The following BCL7B variants were observed in gnomAD, a reference collection of about 807,000 sequenced individuals.
BCL7B encodes the protein BAF chromatin remodeling complex subunit BCL7B, also known as B-cell CLL/lymphoma 7 protein family member B.
A neutral mutation model predicts 26.5 loss-of-function variants in BCL7B; 11 were observed. That is an observed-to-expected ratio of 0.42 (90% CI 0.26 to 0.69). BCL7B has a LOEUF of 0.69. BCL7B is among the 30% of genes least tolerant of loss of function. The pLI is 0.28. For synonymous variants in BCL7B, 111 were observed against 107.9 expected (o/e 1.03, Z -0.18); for missense variants, 215 against 264.4 (o/e 0.81, Z 1.30).
chr7:73,552,339 A>C, intron 1 of BCL7B, 97 bp from the exon 2 acceptor site: 1 of 986,092 alleles, frequency 1.0e-6, no homozygotes, highest in Non-Finnish European at 1.6e-6. Context: ...CATTCCTTCA[A>C]TCTGGAATCC....
At chr7:73,554,968 T>C (rs540367347) in intron 1 of BCL7B, among the ~76,000 whole-genome samples, 1 of 152,282 alleles carries the variant, frequency 6.6e-6, no homozygotes, top group African/African-American at 2.4e-5. Context: ...TAGGCCCTGG[T>C]GATGCAGGGA....
chr7:73,552,063 A>C (rs1792193540), intron 2 of BCL7B, 104 bp downstream of exon 2: 1 of 927,094 alleles, frequency 1.1e-6, no homozygotes, highest in Admixed American at 2.2e-5. Context: ...ACTGCACTCC[A>C]GCCTGGGTGA....
chr7:73,557,473 C>A lies in BCL7B; in HGVS notation c.92+14G>T. ...CCGCGACCCCCGCCAGCCCCCTAAG[C>A]TCCGGCCCCTCACCATTTCCGCACT... On this transcript the variant is annotated intron_variant, in intron 1 of 5. Transcript: ENST00000223368. 7.1e-7 allele frequency: 1 copy of A among 1,399,418 alleles called. No homozygotes were observed. Among genetic ancestry groups the A allele is most frequent in the Non-Finnish European group, 9.4e-7 (1 of 1,063,952 alleles). The allele number at this position is 1,399,418 out of a possible 1,614,324, so 86.7% of individuals were successfully genotyped here.
intron 5 of BCL7B, among the ~76,000 whole-genome samples, 183 bp from the exon 6 acceptor site, chr7:73,537,573 T>C (rs1791589055): frequency 6.6e-6 from 1 of 152,108 alleles, no homozygotes; most frequent in Non-Finnish European, 1.5e-5. Flanking sequence ...CCACAGTCTT[T>C]CCTGGTTTTT....
At chr7:73,545,443 G>C (rs1161219391) in intron 2 of BCL7B, among the ~76,000 whole-genome samples, 2 of 152,036 alleles carry the variant, frequency 1.3e-5, no homozygotes, top group Non-Finnish European at 2.9e-5. Context: ...TCGATCTCCT[G>C]GCTCCAGGAT....
Position 73,552,244 on chromosome 7 carries a change from T to C in BCL7B, c.93-2A>G, listed in dbSNP as rs1554584247. On this transcript the variant is annotated splice_acceptor_variant, in intron 1 of 5. Transcript: ENST00000223368. LOFTEE classifies it high-confidence loss of function. Reference sequence around the variant, plus strand: ...CCCACAGTCACCCACTTCTTCTCCCTAAAAGAAAGACACTTCTTAGAACGG... The same window carrying C: ...CCCACAGTCACCCACTTCTTCTCCCCAAAAGAAAGACACTTCTTAGAACGG... 3.1e-6 allele frequency: 5 copies of C among 1,607,242 alleles called. No individual in the cohort carries two copies.
chr7:73,542,939 CA>C (rs1563425220), intron 3 of BCL7B: 3 of 406,980 alleles, frequency 7.4e-6, no homozygotes, highest in Non-Finnish European at 9.8e-6. Context: ...AAATGAAGTA[CA>C]ATCTAAAAAA....
At chr7:73,546,668 A>C (rs1278017176) in intron 2 of BCL7B, among the ~76,000 whole-genome samples, 2 of 141,690 alleles carry the variant, frequency 1.4e-5, no homozygotes, top group Admixed American at 7.0e-5. Context: ...ACTCTGTCTC[A>C]AAAAAAAAAA....
chr7:73,540,123 C>T, intron 3 of BCL7B, 71 bp from the exon 4 acceptor site: 1 of 1,521,068 alleles, frequency 6.6e-7, no homozygotes, highest in Non-Finnish European at 8.9e-7. Flanking sequence ...CTGGACAGAG[C>T]CAAGGGCCTG....
chr7:73,543,898 C>T, intron 2 of BCL7B: 1 of 402,578 alleles, frequency 2.5e-6, no homozygotes, highest in Non-Finnish European at 4.6e-6. Flanking sequence ...TACACTTCGA[C>T]TAGAACATCC....
intron 1 of BCL7B, among the ~76,000 whole-genome samples, chr7:73,552,943 A>T (rs112166362): frequency 2.6e-4 from 40 of 152,202 alleles, no homozygotes; most frequent in African/African-American, 8.9e-4. Context: ...TTTTAGTGAG[A>T]CAGGGTCTCG....
intron 2 of BCL7B, among the ~76,000 whole-genome samples, chr7:73,549,839 A>T (rs1554583907): frequency 6.6e-6 from 1 of 152,148 alleles, no homozygotes; most frequent in Non-Finnish European, 1.5e-5. Context: ...CTGGAAAAAA[A>T]ATCTCAAAAA....
chr7:73,537,603 C>G (rs1481444332), intron 5 of BCL7B, among the ~76,000 whole-genome samples: 16 of 152,080 alleles, frequency 1.1e-4, no homozygotes, highest in Non-Finnish European at 1.5e-5. Context: ...AACTGGGAAG[C>G]CTGGCCGGGC....
In BCL7B at chr7:73,557,550, G is replaced by A; in HGVS notation, c.29C>T (p.Thr10Ile). 1 of 1,427,554 alleles carries A rather than the reference G, an allele frequency of 7.0e-7. No homozygotes were observed. The allele number at this position is 1,427,554 out of a possible 1,614,324, so 88.4% of individuals were successfully genotyped here. ...GATGTCGTCCTTGGCCCGGCTGCGG[G>A]TCTCCGCCCGGACCGACCGGCCCGA... MSGRSVRAE[T>I]RSRAKDDIKK... Residue 10 changes from threonine to isoleucine, a missense_variant, in exon 1 of 6, where the codon ACC becomes ATC. Transcript: ENST00000223368.
rs566889955 is a variant in BCL7B at position 73,550,697 on chromosome 7, G to A, written c.168+1470C>T. On this transcript the variant is annotated intron_variant, in intron 2 of 5. Transcript: ENST00000223368. ...TTTTGAGATGGAGTCTCACTCTGTC[G>A]CCCAGGCTGGAGTGCAGTGGTGCGA... is the stretch of plus-strand genomic sequence containing the variant. Among the ~76,000 whole-genome samples, 459 of 148,778 alleles carry A rather than the reference G, an allele frequency of 3.1e-3. 1 individual carries two copies. Among genetic ancestry groups the A allele is most frequent in the African/African-American group, 1.0e-2 (403 of 40,364 alleles).
chr7:73,557,592 G>C lies in BCL7B; in HGVS notation c.-14C>G, dbSNP rs782591915. On this transcript the variant is annotated 5_prime_UTR_variant, in exon 1 of 6. Transcript: ENST00000223368. ...CCGGCCCGACATGGCGGCGGCGGGA[G>C]CGGCGGGGGCCGGGGCACTGCTCCC... 9.3e-6 allele frequency: 12 copies of C among 1,286,972 alleles called. No individual in the cohort carries two copies. The highest frequency in any genetic ancestry group is 3.6e-5 in the Admixed American group (1 of 27,924). 79.7% of individuals were successfully genotyped at this position (1,286,972 alleles called of 1,614,324 possible).
intron 2 of BCL7B, 94 bp from the exon 3 acceptor site, chr7:73,543,738 A>G: frequency 1.1e-6 from 1 of 932,506 alleles, no homozygotes. Context: ...AGAGGTCTGG[A>G]TTAGGACTGA....
chr7:73,556,788 G>A (rs1270005993), intron 1 of BCL7B, among the ~76,000 whole-genome samples: 2 of 152,202 alleles, frequency 1.3e-5, no homozygotes, highest in African/African-American at 4.8e-5. Flanking sequence ...CTGCTACTTG[G>A]AAGTGAGAAA....
chr7:73,538,644 A>G (rs1352835215), intron 4 of BCL7B, among the ~76,000 whole-genome samples: 1 of 151,766 alleles, frequency 6.6e-6, no homozygotes, highest in Non-Finnish European at 1.5e-5. Flanking sequence ...GTGAGACTCC[A>G]TTTCTACAGA....
Sources: gnomAD v4.1 joint callset for allele counts (sites outside exome capture counted in the v4.1 genomes callset) on GRCh38, gnomAD v4.1.1 for gene constraint, MANE v1.5 for transcripts, NCBI Gene and HGNC (gene_info 2026-07-23, HGNC 2026-07-21) for gene names.